Variants in ANGPTL5 observed in about 807,000 individuals in gnomAD.
ANGPTL5 encodes angiopoietin like 5, also known as angiopoietin-related protein 5.
ANGPTL5 carries 34 observed loss-of-function variants against 39.4 expected under a neutral mutation model. That is an observed-to-expected ratio of 0.86 (90% CI 0.66 to 1.15). ANGPTL5 has a LOEUF of 1.15. Ranked by LOEUF, ANGPTL5 falls within the 50% of genes most tolerant of loss-of-function variation. The pLI is 0.00. For missense variants in ANGPTL5, 467 were observed against 457.5 expected (o/e 1.02, Z -0.19); for synonymous variants, 146 against 152.1 (o/e 0.96, Z 0.29).
rs1939872670 is a variant in ANGPTL5 at position 101,900,463 on chromosome 11, A to G, written c.628T>C (p.Cys210Arg). Residue 210 changes from cysteine to arginine, a missense_variant, in exon 7 of 9, where the codon TGT becomes CGT. By Grantham distance (180) the Cys-to-Arg change is radical. Coordinates refer to ENST00000334289, the MANE Select transcript of ANGPTL5 (RefSeq NM_178127.5). Reference protein sequence around the residue: ...DGIIDFQRLWCDYLDGFGDLL... With the variant: ...DGIIDFQRLWRDYLDGFGDLL... Reference sequence around the variant, plus strand: ...TCTCCAAATCCATCCAGATAATCACACCACAACCTCTGGAAATCAATTATC... The same window carrying G: ...TCTCCAAATCCATCCAGATAATCACGCCACAACCTCTGGAAATCAATTATC... 3 of 1,613,546 alleles carry G rather than the reference A, an allele frequency of 1.9e-6. No individual in the cohort carries two copies. In the South Asian group the frequency reaches 3.3e-5, roughly 18 times the overall value.
rs1369565916 is a variant in ANGPTL5, at chr11:101,895,066, T to G, written c.662-2A>C. On this transcript the variant is annotated splice_acceptor_variant, in intron 7 of 8. Transcript: ENST00000334289. LOFTEE classifies it high-confidence loss of function. ...TTTTCAGTCCTAGCCAAAATTCTCC[T>G]GTAAAAAAAATGCTTTGTTTTAATA... 1 of 1,561,314 alleles carries G rather than the reference T, an allele frequency of 6.4e-7. No individual in the cohort carries two copies. The highest frequency in any genetic ancestry group is 1.4e-5 in the African/African-American group (1 of 73,022).
At chr11:101,895,304 C>A (rs1485599976) in intron 7 of ANGPTL5, among the ~76,000 whole-genome samples, 1 of 151,980 alleles carries the variant, frequency 6.6e-6, no homozygotes, top group Non-Finnish European at 1.5e-5. Flanking sequence ...TTTTATCTCC[C>A]CAAATTAAGT....
intron 8 of ANGPTL5, among the ~76,000 whole-genome samples, chr11:101,893,960 A>G (rs1027707017): frequency 1.3e-5 from 2 of 152,186 alleles, no homozygotes; most frequent in African/African-American, 4.8e-5. Flanking sequence ...GTATGCCAAC[A>G]TATCCATCTG....
intron 8 of ANGPTL5, among the ~76,000 whole-genome samples, chr11:101,894,297 A>G (rs754266302): frequency 2.6e-5 from 4 of 152,238 alleles, no homozygotes; most frequent in Non-Finnish European, 5.9e-5. Context: ...GTGCTTTTTA[A>G]CTCAAATGCC....
At chr11:101,893,212 G>C (rs907856638) in intron 8 of ANGPTL5, among the ~76,000 whole-genome samples, 1 of 152,206 alleles carries the variant, frequency 6.6e-6, no homozygotes, top group African/African-American at 2.4e-5. Flanking sequence ...TTTTCTGTGA[G>C]AGTGTGGTTG....
At chr11:101,900,121 G>A (rs1255864421) in intron 7 of ANGPTL5, among the ~76,000 whole-genome samples, 1 of 152,014 alleles carries the variant, frequency 6.6e-6, no homozygotes, top group Non-Finnish European at 1.5e-5. Flanking sequence ...TCAGTTTTTC[G>A]TTCTGCAAAC....
At chr11:101,912,726 C>G (rs1353123503) in intron 1 of ANGPTL5, among the ~76,000 whole-genome samples, 1 of 152,190 alleles carries the variant, frequency 6.6e-6, no homozygotes, top group Non-Finnish European at 1.5e-5. Context: ...AATAGACCCC[C>G]TCTTGGCCAA....
chr11:101,914,010 T>C (rs1468813815), intron 1 of ANGPTL5, among the ~76,000 whole-genome samples: 3 of 152,262 alleles, frequency 2.0e-5, no homozygotes, highest in Non-Finnish European at 4.4e-5. Flanking sequence ...GGATTTGTTG[T>C]GGCACTTTAA....
rs747486175 is a variant in ANGPTL5 at position 101,907,840 on chromosome 11, G to A, written c.70C>T (p.Gln24Ter). 4 of 1,607,680 alleles carry A rather than the reference G, an allele frequency of 2.5e-6. No individual in the cohort carries two copies. Among genetic ancestry groups the A allele is most frequent in the Non-Finnish European group, 3.4e-6 (4 of 1,174,512 alleles). ...VCIFICGEAV[Q>*]GNCVHHSTDS... is the part of the protein sequence containing the mutation. Reference sequence around the variant, plus strand: ...GTAGAATGATGTACACAGTTACCTTGTACAGCTTCTCCACAAATAAAAATA... The same window carrying A: ...GTAGAATGATGTACACAGTTACCTTATACAGCTTCTCCACAAATAAAAATA... The change falls in exon 2 of 9, where the codon CAA becomes TAA. Residue 24 changes from glutamine to a stop codon, truncating the protein, a stop_gained. Transcript: ENST00000334289. LOFTEE classifies it high-confidence loss of function.
At chr11:101,892,267 TC>T (rs72194463) in intron 8 of ANGPTL5, among the ~76,000 whole-genome samples, 11,025 of 152,106 alleles carry the variant, frequency 0.072, 661 homozygotes, top group East Asian at 0.31. Flanking sequence ...TTTGCTCTTG[TC>T]CCCCCAGTCT....
intron 8 of ANGPTL5, 120 bp from the exon 9 acceptor site, chr11:101,891,718 CT>C: frequency 5.8e-6 from 6 of 1,041,210 alleles, no homozygotes; most frequent in Non-Finnish European, 7.1e-6. Context: ...TATTTTCCTA[CT>C]GTTTATCATG....
chr11:101,907,284 T>G, intron 2 of ANGPTL5, 37 bp from the exon 3 acceptor site: 2 of 1,276,494 alleles, frequency 1.6e-6, no homozygotes, highest in African/African-American at 3.0e-5. Flanking sequence ...AAAAAATACA[T>G]TAAACATGTT....
intron 1 of ANGPTL5, chr11:101,915,119 G>GT: frequency 2.8e-6 from 3 of 1,056,040 alleles, no homozygotes; most frequent in Non-Finnish European, 4.0e-6. Flanking sequence ...ACAGGCACCA[G>GT]TGCCGCTGCG....
At chr11:101,900,114 GT>G (rs1404815930) in intron 7 of ANGPTL5, among the ~76,000 whole-genome samples, 1 of 152,156 alleles carries the variant, frequency 6.6e-6, no homozygotes, top group Non-Finnish European at 1.5e-5. Flanking sequence ...CTGCCATTCA[GT>G]TTTTCGTTCT....
At chr11:101,915,151 C>G (rs1469422242) in intron 1 of ANGPTL5, 5 of 1,389,958 alleles carry the variant, frequency 3.6e-6, no homozygotes, top group Non-Finnish European at 4.9e-6. Context: ...GCTGTCGAGG[C>G]CAACCCTTCC....
chr11:101,896,075 T>C (rs1176074805), intron 7 of ANGPTL5, among the ~76,000 whole-genome samples: 2 of 152,036 alleles, frequency 1.3e-5, no homozygotes, highest in African/African-American at 4.8e-5. Flanking sequence ...TATACAACAC[T>C]TCAATTTAAG....
chr11:101,900,998 C>T (rs889038408), intron 6 of ANGPTL5, among the ~76,000 whole-genome samples: 1 of 149,890 alleles, frequency 6.7e-6, no homozygotes, highest in East Asian at 2.0e-4. Flanking sequence ...ACTACAGGCG[C>T]CCGCTAGCAC....
chr11:101,907,007 A>G, intron 3 of ANGPTL5, 96 bp downstream of exon 3: 3 of 964,310 alleles, frequency 3.1e-6, no homozygotes, highest in Non-Finnish European at 4.6e-6. Flanking sequence ...ATGTATAGAA[A>G]ATGACCCAGA....
intron 1 of ANGPTL5, chr11:101,915,069 G>A (rs115730613): frequency 5.2e-6 from 3 of 577,930 alleles, no homozygotes; most frequent in South Asian, 3.1e-5. Flanking sequence ...ATCTGCTATT[G>A]CCCGGCGAGG....
Sources: gnomAD v4.1 joint callset for allele counts (sites outside exome capture counted in the v4.1 genomes callset) on GRCh38, gnomAD v4.1.1 for gene constraint, MANE v1.5 for transcripts, NCBI Gene and HGNC (gene_info 2026-07-23, HGNC 2026-07-21) for gene names.